The following TMPRSS7 variants were observed in gnomAD, a reference collection of about 807,000 sequenced individuals.
The protein encoded by TMPRSS7 is transmembrane serine protease 7.
In TMPRSS7, 81 loss-of-function variants were observed where a neutral mutation model predicts 95.6. The ratio of observed to expected loss-of-function variants is 0.85; its 90% CI spans 0.71 to 1.02. The LOEUF (loss-of-function observed/expected upper bound fraction) is 1.02. Ranked by LOEUF, TMPRSS7 falls within the 50% of genes least tolerant of loss-of-function variation. The pLI, the probability that TMPRSS7 is intolerant of heterozygous loss-of-function variation, is 0.00. For missense variants in TMPRSS7, 945 were observed against 955.2 expected (o/e 0.99, Z 0.14); for synonymous variants, 364 against 337.8 (o/e 1.08, Z -0.85).
intron 2 of TMPRSS7, among the ~76,000 whole-genome samples, chr3:112,041,077 C>CAA (rs35859400): frequency 0.044 from 5,428 of 122,954 alleles, 147 homozygotes; most frequent in African/African-American, 0.072. Context: ...AGTCTGCAAC[C>CAA]AAAAAAAAAA....
At chr3:112,040,772 T>C (rs1410168203) in intron 2 of TMPRSS7, among the ~76,000 whole-genome samples, 1 of 152,156 alleles carries the variant, frequency 6.6e-6, no homozygotes, top group Non-Finnish European at 1.5e-5. Flanking sequence ...AAAGGGAGAC[T>C]GGTATGGACC....
intron 1 of TMPRSS7, among the ~76,000 whole-genome samples, chr3:112,035,329 A>C (rs770446298): frequency 3.9e-5 from 6 of 152,204 alleles, no homozygotes; most frequent in Non-Finnish European, 7.3e-5. Context: ...TCTCTTTAGA[A>C]ACCCAGTCCT....
At chr3:112,038,605 A>C (rs1436889669) in intron 2 of TMPRSS7, among the ~76,000 whole-genome samples, 1 of 151,666 alleles carries the variant, frequency 6.6e-6, no homozygotes, top group East Asian at 1.9e-4. Flanking sequence ...CGAGTAGCTG[A>C]GACCACAGGT....
chr3:112,073,653 G>A (rs905442190), intron 13 of TMPRSS7, among the ~76,000 whole-genome samples: 6 of 152,162 alleles, frequency 3.9e-5, no homozygotes, highest in African/African-American at 1.4e-4. Context: ...TTTGTCAGAT[G>A]TGTAGATTGC....
At chr3:112,072,258 T>G (rs56235140) in intron 13 of TMPRSS7, among the ~76,000 whole-genome samples, 4,550 of 152,324 alleles carry the variant, frequency 0.03, 186 homozygotes, top group African/African-American at 0.088. Context: ...GATGCTGTTT[T>G]CCTGGGTATC....
Position 112,075,360 on chromosome 3 carries a change from GA to G in TMPRSS7, c.1824del (p.Gly609AlafsTer69), listed in dbSNP as rs778371434. The G allele has an allele frequency of 2.3e-5, 34 of 1,479,910 alleles. No homozygotes were observed. The highest frequency in any genetic ancestry group is 3.0e-5 in the Non-Finnish European group (33 of 1,111,848). The allele number at this position is 1,479,910 out of a possible 1,614,324, so 91.7% of individuals were successfully genotyped here. A position where few individuals can be genotyped will look rare whatever the true frequency, so the allele number is the denominator to read the frequency against. On this transcript the variant is annotated frameshift_variant, in exon 15 of 18. Coordinates refer to ENST00000452346, the Ensembl canonical transcript of TMPRSS7. LOFTEE classifies it high-confidence loss of function. ...TCCTCCGCCCTTCACCGCATCATCG[GA>G]GGCACAGACACCCTGGAGGGGGGTT...
intron 10 of TMPRSS7, among the ~76,000 whole-genome samples, chr3:112,059,362 T>C (rs1380347058): frequency 5.3e-5 from 8 of 152,150 alleles, no homozygotes; most frequent in African/African-American, 1.9e-4. Flanking sequence ...CTTTCTCGTG[T>C]TTCTCAGTTT....
intron 3 of TMPRSS7, 133 bp from the exon 4 acceptor site, chr3:112,044,122 G>T: frequency 1.6e-6 from 1 of 609,558 alleles, no homozygotes. Context: ...CCGGGGTGTG[G>T]AGTTAGGAGC....
At chr3:112,038,489 G>T (rs1230250173) in intron 2 of TMPRSS7, among the ~76,000 whole-genome samples, 168 bp downstream of exon 2, 1 of 151,960 alleles carries the variant, frequency 6.6e-6, no homozygotes, top group Admixed American at 6.6e-5. Flanking sequence ...ATTTTGTTTT[G>T]AGACAAGGTC....
At chr3:112,049,106 G>A (rs1040531879) in intron 7 of TMPRSS7, among the ~76,000 whole-genome samples, 4 of 152,188 alleles carry the variant, frequency 2.6e-5, no homozygotes, top group African/African-American at 9.7e-5. Context: ...GATTGGCTGG[G>A]GGTCAAGCCC....
chr3:112,064,001 A>T (rs1273858326), intron 12 of TMPRSS7, among the ~76,000 whole-genome samples: 2 of 152,204 alleles, frequency 1.3e-5, no homozygotes, highest in Non-Finnish European at 2.9e-5. Flanking sequence ...ATGGTTTCTC[A>T]TAAGGCCTGG....
intron 12 of TMPRSS7, among the ~76,000 whole-genome samples, chr3:112,065,504 C>A (rs1271983598): frequency 6.6e-6 from 1 of 152,030 alleles, no homozygotes; most frequent in East Asian, 1.9e-4. Context: ...TGCTGATTCT[C>A]CAAACAAAAA....
chr3:112,076,860 A>G lies in TMPRSS7; in HGVS notation c.1956-16A>G. On this transcript the variant is annotated splice_polypyrimidine_tract_variant and intron_variant, in intron 15 of 17. Coordinates refer to ENST00000452346, the Ensembl canonical transcript of TMPRSS7. ...CTTTAAGCTGCTAACTTTATGTTTCATTACTGTTCTATCAGGCTGTCAGAT... is the reference window on the plus strand; with the variant it reads ...CTTTAAGCTGCTAACTTTATGTTTCGTTACTGTTCTATCAGGCTGTCAGAT... 1.2e-6 allele frequency: 2 copies of G among 1,610,316 alleles called. No individual in the cohort carries two copies. The highest frequency in any genetic ancestry group is 1.7e-5 in the Admixed American group (1 of 59,910).
intron 4 of TMPRSS7, 141 bp downstream of exon 4, chr3:112,044,463 C>A (rs578082555): frequency 1.4e-6 from 1 of 695,202 alleles, no homozygotes. Flanking sequence ...GCACAACTAG[C>A]GACTCAACTC....
At chr3:112,080,408 A>G (rs2073762927) in intron 17 of TMPRSS7, among the ~76,000 whole-genome samples, 1 of 152,164 alleles carries the variant, frequency 6.6e-6, no homozygotes, top group Non-Finnish European at 1.5e-5. Context: ...CTAAAGTTGC[A>G]TGGCCCAGAG....
At chr3:112,049,310 TC>T (rs1452852875) in intron 7 of TMPRSS7, among the ~76,000 whole-genome samples, 2 of 152,214 alleles carry the variant, frequency 1.3e-5, no homozygotes, top group African/African-American at 4.8e-5. Context: ...CTTTAATAAA[TC>T]CCTGCTTTCC....
At chr3:112,038,700 C>T (rs1348821636) in intron 2 of TMPRSS7, among the ~76,000 whole-genome samples, 1 of 152,122 alleles carries the variant, frequency 6.6e-6, no homozygotes, top group Non-Finnish European at 1.5e-5. Context: ...CAGGCTGGTC[C>T]CAAACTCCTG....
At chr3:112,059,938 G>A (rs73853298) in intron 10 of TMPRSS7, among the ~76,000 whole-genome samples, 6,461 of 152,172 alleles carry the variant, frequency 0.042, 409 homozygotes, top group African/African-American at 0.14. Flanking sequence ...ATTACCTATT[G>A]GGGAACCTGC....
chr3:112,048,029 A>G (rs920978350), intron 7 of TMPRSS7, 62 bp downstream of exon 7: 36 of 1,498,158 alleles, frequency 2.4e-5, no homozygotes, highest in Middle Eastern at 1.8e-4. Context: ...GTTTTACAGT[A>G]TCTGTGTTCC....
Sources: allele counts gnomAD v4.1 joint callset (sites outside exome capture counted in the v4.1 genomes callset), GRCh38; gene constraint gnomAD v4.1.1; transcripts MANE v1.5; gene names NCBI Gene and HGNC (gene_info 2026-07-23, HGNC 2026-07-21).